Variants in PALM observed in about 807,000 individuals in gnomAD.
PALM encodes the protein paralemmin-1.
PALM carries 18 observed loss-of-function variants against 30.7 expected under a neutral mutation model. That is an observed-to-expected ratio of 0.59 (90% CI 0.41 to 0.87). The LOEUF (loss-of-function observed/expected upper bound fraction) is 0.87, where lower values mean the gene tolerates loss of function less well. Among genes scored for constraint, PALM ranks in the 40% least tolerant of loss-of-function variants. The pLI, the probability that PALM is intolerant of heterozygous loss-of-function variation, is 0.00. For missense variants in PALM, 529 were observed against 555.4 expected (o/e 0.95, Z 0.48); for synonymous variants, 286 against 242.8 (o/e 1.18, Z -1.66).
At chr19:723,499 A>G (rs1179307134) in intron 1 of PALM, among the ~76,000 whole-genome samples, 1 of 152,124 alleles carries the variant, frequency 6.6e-6, no homozygotes, top group African/African-American at 2.4e-5. Flanking sequence ...CCTCGCTGCA[A>G]CAGCCTTGGA....
At chr19:723,354 G>A (rs545531617) in intron 1 of PALM, among the ~76,000 whole-genome samples, 1 of 152,060 alleles carries the variant, frequency 6.6e-6, no homozygotes, top group Non-Finnish European at 1.5e-5. Context: ...ATAAGATGTT[G>A]GGGGTCGGGG....
intron 4 of PALM, among the ~76,000 whole-genome samples, 161 bp from the exon 5 acceptor site, chr19:730,934 G>A (rs575173545): frequency 1.1e-4 from 16 of 152,196 alleles, no homozygotes; most frequent in African/African-American, 3.9e-4. Flanking sequence ...CCGGGAGGTG[G>A]AGGTTGCAGC....
rs756368504 is a variant in PALM at position 736,095 on chromosome 19, G to T, written c.502+17G>T. On this transcript the variant is annotated intron_variant, in intron 7 of 8. Coordinates refer to ENST00000338448, the MANE Select transcript of PALM (RefSeq NM_002579.3). The stretch of plus-strand genomic sequence containing the variant: ...TGAAGGCAGGTGGGTTGGCCCCCAG[G>T]CTCTGGGCCCCAGATCCAGCCGCTG... 6 of 1,596,972 alleles carry T rather than the reference G, an allele frequency of 3.8e-6. No individual in the cohort carries two copies. The Admixed American group carries it at 1.0e-4, about 27-fold the overall frequency.
chr19:719,743 A>G (rs980354900), intron 1 of PALM: 4 of 584,306 alleles, frequency 6.8e-6, no homozygotes, highest in Non-Finnish European at 8.6e-6. Flanking sequence ...TCACACGGGA[A>G]TGAGACTCCC....
At chr19:726,985 A>ACCCCCCCCCCCCCCCCC in intron 2 of PALM, 23 bp from the exon 3 acceptor site, 2 of 945,366 alleles carry the variant, frequency 2.1e-6, no homozygotes, top group Admixed American at 2.1e-5. Context: ...CCCATCCCTG[A>ACCCCCCCCCCCCCCCCC]CCCCACCCGG....
At position 747,075 on chromosome 19, in the gene PALM, A is replaced by G. The variant is rs940672491; in HGVS notation, c.*261A>G. The G allele has an allele frequency of 2.2e-6, 1 of 446,776 alleles. No homozygotes were observed. Among genetic ancestry groups the G allele is most frequent in the African/African-American group, 2.0e-5 (1 of 49,098 alleles). 27.7% of individuals were successfully genotyped at this position (446,776 alleles called of 1,614,324 possible). A position where few individuals can be genotyped will look rare whatever the true frequency, so the allele number is the denominator to read the frequency against. On this transcript the variant is annotated 3_prime_UTR_variant, in exon 9 of 9. Coordinates refer to ENST00000338448, the MANE Select transcript of PALM (RefSeq NM_002579.3). ...ACAGGACAGACCCGCTTTTCCCGAG[A>G]CAAGGACCCCCCATGTCACGGCAGC...
At chr19:723,845 A>G (rs1568223564) in intron 1 of PALM, among the ~76,000 whole-genome samples, 2 of 152,028 alleles carry the variant, frequency 1.3e-5, no homozygotes, top group South Asian at 2.1e-4. Context: ...ATCCGCTCGC[A>G]TCGGCCTCCC....
intron 1 of PALM, among the ~76,000 whole-genome samples, chr19:710,244 C>A (rs556052744): frequency 6.6e-6 from 1 of 152,358 alleles, no homozygotes; most frequent in South Asian, 2.1e-4. Context: ...GCCACGCCCG[C>A]GGCTGGGTGG....
intron 7 of PALM, among the ~76,000 whole-genome samples, chr19:736,824 C>T (rs1020477231): frequency 2.6e-5 from 4 of 152,136 alleles, no homozygotes; most frequent in East Asian, 1.9e-4. Context: ...GAGGCCGAGG[C>T]GGGCAGATCG....
At chr19:730,274 T>C (rs1184700873) in intron 4 of PALM, among the ~76,000 whole-genome samples, 5 of 152,160 alleles carry the variant, frequency 3.3e-5, no homozygotes. Context: ...CCTGTCAGCC[T>C]GGGCCCACCT....
chr19:732,692 TA>T (rs559816113), intron 5 of PALM, among the ~76,000 whole-genome samples: 40 of 145,680 alleles, frequency 2.7e-4, no homozygotes, highest in African/African-American at 6.8e-4. Context: ...AGATTCTTTC[TA>T]AAAAAAAAAA....
At chr19:737,769 C>A (rs1317008329) in intron 7 of PALM, among the ~76,000 whole-genome samples, 4 of 151,994 alleles carry the variant, frequency 2.6e-5, no homozygotes, top group Non-Finnish European at 5.9e-5. Context: ...ATCCGTGTGG[C>A]TGGAGCAGCG....
intron 3 of PALM, among the ~76,000 whole-genome samples, 155 bp downstream of exon 3, chr19:727,243 C>CCCT (rs1568225387): frequency 0.016 from 1,455 of 93,612 alleles, 44 homozygotes; most frequent in African/African-American, 0.05. Context: ...ACCCCGACCC[C>CCCT]GACCCCGACC....
At chr19:728,424 G>A (rs996374209) in intron 4 of PALM, among the ~76,000 whole-genome samples, 1 of 152,190 alleles carries the variant, frequency 6.6e-6, no homozygotes, top group African/African-American at 2.4e-5. Context: ...ACCCCGTGGG[G>A]GCCCCTCCCT....
At chr19:710,975 C>G (rs2032060204) in intron 1 of PALM, among the ~76,000 whole-genome samples, 1 of 152,256 alleles carries the variant, frequency 6.6e-6, no homozygotes, top group Non-Finnish European at 1.5e-5. Context: ...GCCCCGTCCG[C>G]TAGAACGTGA....
chr19:721,217 C>A (rs2032467295), intron 1 of PALM, among the ~76,000 whole-genome samples: 1 of 152,104 alleles, frequency 6.6e-6, no homozygotes, highest in Non-Finnish European at 1.5e-5. Flanking sequence ...CTGATGGGAG[C>A]CAGGGAGCCT....
intron 5 of PALM, among the ~76,000 whole-genome samples, chr19:733,535 A>G (rs1360752049): frequency 1.3e-5 from 2 of 152,208 alleles, no homozygotes; most frequent in Admixed American, 6.5e-5. Context: ...GACAGGCGAC[A>G]CTAGACCCTG....
chr19:731,190 C>G lies in PALM; in HGVS notation c.365C>G (p.Ala122Gly), dbSNP rs753736735. Reference sequence around the variant, plus strand: ...GCCCCGAGCCCAGTCCGGGCCCCAGCCCCGAGTCCAGCCAAGGAGGAGCGC... The same window carrying G: ...GCCCCGAGCCCAGTCCGGGCCCCAGGCCCGAGTCCAGCCAAGGAGGAGCGC... ...AAAPSPVRAP[A>G]PSPAKEERKT... is the part of the protein sequence containing the mutation. Residue 122 changes from alanine (A) to glycine (G), a missense_variant, in exon 5 of 9, where the codon GCC becomes GGC. Ala to Gly is a moderately conservative substitution (Grantham distance 60, BLOSUM62 0). Coordinates refer to ENST00000338448, the MANE Select transcript of PALM (RefSeq NM_002579.3). 2 of 1,611,030 alleles carry G rather than the reference C, an allele frequency of 1.2e-6. No homozygotes were observed. The highest frequency in any genetic ancestry group is 2.7e-5 in the African/African-American group (2 of 74,892).
chr19:720,670 G>A (rs928250495), intron 1 of PALM, among the ~76,000 whole-genome samples: 15 of 151,828 alleles, frequency 9.9e-5, no homozygotes, highest in Non-Finnish European at 1.8e-4. Flanking sequence ...CTGGGGAGGG[G>A]CCTGCGCCCT....
Sources: gnomAD v4.1 joint callset for allele counts (sites outside exome capture counted in the v4.1 genomes callset) on GRCh38, gnomAD v4.1.1 for gene constraint, MANE v1.5 for transcripts, NCBI Gene and HGNC (gene_info 2026-07-23, HGNC 2026-07-21) for gene names.